CTBP2: variants seen among roughly 807,000 people sequenced by gnomAD.
CTBP2 encodes C-terminal binding protein 2.
In CTBP2, 30 loss-of-function variants were observed where a neutral mutation model predicts 80.3. The observed-to-expected ratio is 0.37, with a 90% CI of 0.28 to 0.51. CTBP2 has a LOEUF of 0.51. CTBP2 is among the 20% of genes least tolerant of loss of function. CTBP2 has a pLI of 0.93. For missense variants in CTBP2, 1,212 were observed against 1,375.3 expected, an observed-to-expected ratio of 0.88 and a Z score of 1.88; for synonymous variants, 594 against 587.4, an observed-to-expected ratio of 1.01 and a Z score of -0.16.
intron 3 of CTBP2, among the ~76,000 whole-genome samples, chr10:125,002,755 C>T (rs112491535): frequency 6.6e-6 from 1 of 152,210 alleles, no homozygotes; most frequent in African/African-American, 2.4e-5. Context: ...AGACCCCACA[C>T]AAGGGCCAGC....
chr10:125,126,929 T>C (rs572653548), intron 1 of CTBP2, among the ~76,000 whole-genome samples: 1 of 150,900 alleles, frequency 6.6e-6, no homozygotes, highest in Non-Finnish European at 1.5e-5. Flanking sequence ...ACACATTCTC[T>C]CTCTCTCTCT....
In CTBP2 at chr10:125,010,066, C is replaced by T. The variant is rs1055886544; in HGVS notation, c.1679-6574G>A. 1.2e-4 allele frequency among the ~76,000 whole-genome samples: 18 copies of T among 152,116 alleles called. 1 individual carries two copies. The highest frequency in any genetic ancestry group is 1.0e-3 in the Admixed American group (16 of 15,270). ...AAGGTGCCTGTTCCCACGGCAGCTGCAGAGAAGACTGCGGGCAACAGGCAT... is the reference window on the plus strand; with the variant it reads ...AAGGTGCCTGTTCCCACGGCAGCTGTAGAGAAGACTGCGGGCAACAGGCAT... On this transcript the variant is annotated intron_variant, in intron 1 of 8. Coordinates refer to ENST00000309035, the MANE Select transcript of CTBP2 (RefSeq NM_022802.3).
Position 124,988,052 on chromosome 10 carries a change from A to AT in CTBP2, c.*1465_*1466insA, listed in dbSNP as rs1952113516. On this transcript the variant is annotated 3_prime_UTR_variant, in exon 9 of 9. Transcript: ENST00000309035. ...GGGGTAGATTAAAGTCAGAACTCTA[A>AT]AAGTTGAGCAACTTTGTTTTTTTTT... 1 of 150,116 alleles carries AT rather than the reference A, an allele frequency of 6.7e-6. No homozygotes were observed. The highest frequency in any genetic ancestry group is 2.5e-5 in the African/African-American group (1 of 39,904). The allele number at this position is 150,116 out of a possible 1,614,324, so 9.3% of individuals were successfully genotyped here.
intron 2 of CTBP2, among the ~76,000 whole-genome samples, chr10:125,091,786 C>A (rs535883660): frequency 2.0e-5 from 3 of 152,122 alleles, no homozygotes; most frequent in East Asian, 3.9e-4. Flanking sequence ...AACAAAAAAA[C>A]CCAAACATAT....
At chr10:125,081,818 A>G (rs919117256) in intron 2 of CTBP2, among the ~76,000 whole-genome samples, 10 of 152,114 alleles carry the variant, frequency 6.6e-5, no homozygotes, top group African/African-American at 2.2e-4. Context: ...AGTAAGAGTC[A>G]CAGCATGTCA....
intron 2 of CTBP2, among the ~76,000 whole-genome samples, chr10:125,107,483 G>T (rs1202904915): frequency 6.6e-6 from 1 of 152,202 alleles, no homozygotes; most frequent in Non-Finnish European, 1.5e-5. Context: ...ATTGACAATC[G>T]GACCCCAAGG....
intron 1 of CTBP2, among the ~76,000 whole-genome samples, chr10:125,153,521 C>T (rs1346866784): frequency 1.3e-5 from 2 of 152,198 alleles, no homozygotes; most frequent in Admixed American, 6.5e-5. Flanking sequence ...GGCCTTTCAC[C>T]CCCTCCAGCA....
intron 3 of CTBP2, among the ~76,000 whole-genome samples, chr10:125,037,222 G>C (rs1248524300): frequency 6.6e-6 from 1 of 152,204 alleles, no homozygotes; most frequent in East Asian, 1.9e-4. Flanking sequence ...ATGGGACAGA[G>C]GGTCTGCAAG....
At position 125,088,346 on chromosome 10, in the gene CTBP2, G is replaced by A. The variant is rs1013710735; in HGVS notation, c.-102+22644C>T. The A allele has an allele frequency of 6.6e-5, 10 of 152,260 alleles. No homozygotes were observed. The Middle Eastern group carries it at 0.017, about 259-fold the overall frequency. The allele number at this position is 152,260 out of a possible 1,614,324, so 9.4% of individuals were successfully genotyped here. On this transcript the variant is annotated intron_variant, in intron 2 of 10. Transcript: ENST00000337195. ...TAAAGAATGAAAAAGGGATGGGAGCGGGATGACCTGTGCAGTTAGTACAGA... is the reference window on the plus strand; with the variant it reads ...TAAAGAATGAAAAAGGGATGGGAGCAGGATGACCTGTGCAGTTAGTACAGA...
In CTBP2 at chr10:125,026,266, G is replaced by A. The variant is rs201745596; in HGVS notation, c.1494C>T (p.Ala498=). 1.1e-4 allele frequency: 183 copies of A among 1,613,854 alleles called. No homozygotes were observed. The highest frequency in any genetic ancestry group is 1.0e-4 in the Admixed American group (6 of 60,024). ...CGTGAGGGCTGGGCAGCGGAGAGGC[G>A]GCCACGTTGCGCTCCCTCTTTAGCA... The change falls in exon 1 of 9, where the codon GCC becomes GCT. Residue 498 remains alanine (A), a synonymous_variant. Transcript: ENST00000309035.
Position 125,090,292 on chromosome 10 carries a change from A to T in CTBP2, c.-102+20698T>A, listed in dbSNP as rs941172865. On this transcript the variant is annotated intron_variant, in intron 2 of 10. Coordinates refer to the CTBP2 transcript ENST00000337195. Reference sequence around the variant, plus strand: ...GACAGAGAGTCCCTGGCTCAAAAAAAAAAAAAAAAAGGTTGGGGGGATGGG... The same window carrying T: ...GACAGAGAGTCCCTGGCTCAAAAAATAAAAAAAAAAGGTTGGGGGGATGGG... Among the ~76,000 whole-genome samples, 238 of 151,042 alleles carry T rather than the reference A, an allele frequency of 1.6e-3. 3 individuals are homozygous for T. Among genetic ancestry groups the T allele is most frequent in the Non-Finnish European group, 2.8e-3 (187 of 67,890 alleles).
intron 1 of CTBP2, chr10:125,137,980 C>A (rs564551786): frequency 1.3e-5 from 2 of 152,362 alleles, no homozygotes; most frequent in East Asian, 3.9e-4. Context: ...ACCCTCATAG[C>A]CAGCCACGCT....
intron 2 of CTBP2, among the ~76,000 whole-genome samples, chr10:125,094,829 A>G (rs773466004): frequency 2.6e-5 from 4 of 151,966 alleles, no homozygotes; most frequent in Non-Finnish European, 2.9e-5. Flanking sequence ...CAAACTAGAA[A>G]TGCTGAGAAA....
intron 1 of CTBP2, among the ~76,000 whole-genome samples, chr10:125,111,448 T>C (rs1411570659): frequency 1.3e-5 from 2 of 152,232 alleles, no homozygotes; most frequent in Admixed American, 1.3e-4. Context: ...GCAAAAAGTA[T>C]TACCAACTGT....
Position 125,056,174 on chromosome 10 carries a change from AAT to A in CTBP2, c.-101-17021_-101-17020del, listed in dbSNP as rs1242270673. On this transcript the variant is annotated intron_variant, in intron 2 of 10. Transcript: ENST00000337195. ...AGCGAGATTGTGTCTCAAAAATAAAAATAATAATAATAATAATAATAGTAATA... is the reference window on the plus strand; with the variant it reads ...AGCGAGATTGTGTCTCAAAAATAAAAAATAATAATAATAATAATAGTAATA... 1.2e-3 allele frequency among the ~76,000 whole-genome samples: 163 copies of A among 135,318 alleles called. 1 individual carries two copies. Among genetic ancestry groups the A allele is most frequent in the African/African-American group, 4.1e-3 (159 of 39,234 alleles). 88.8% of individuals were successfully genotyped at this position (135,318 alleles called of 152,430 possible). A position where few individuals can be genotyped will look rare whatever the true frequency, so the allele number is the denominator to read the frequency against.
At chr10:125,124,489 G>A (rs1854888808) in intron 1 of CTBP2, among the ~76,000 whole-genome samples, 1 of 152,102 alleles carries the variant, frequency 6.6e-6, no homozygotes, top group Admixed American at 6.5e-5. Flanking sequence ...CCCAAAATGT[G>A]CCACTAGGTA....
intron 1 of CTBP2, among the ~76,000 whole-genome samples, chr10:125,147,928 A>G (rs565114920): frequency 6.6e-5 from 10 of 152,104 alleles, no homozygotes; most frequent in African/African-American, 2.4e-4. Flanking sequence ...ACAAACACAT[A>G]CGGTACGTCA....
At chr10:125,032,872 C>A (rs2839737), upstream of CTBP2, 61,348 of 154,600 alleles carry the variant, frequency 0.4, 13,602 homozygotes, top group East Asian at 0.62. Flanking sequence ...AAAGCCCAAA[C>A]AGCCCCATTT....
chr10:125,131,565 G>C (rs1198371091), intron 1 of CTBP2, among the ~76,000 whole-genome samples: 2 of 152,158 alleles, frequency 1.3e-5, no homozygotes, highest in African/African-American at 4.8e-5. Flanking sequence ...GGACAGGGAG[G>C]GGGCAGCGGC....
Sources: allele counts gnomAD v4.1 joint callset (sites outside exome capture counted in the v4.1 genomes callset), GRCh38; gene constraint gnomAD v4.1.1; transcripts MANE v1.5; gene names NCBI Gene and HGNC (gene_info 2026-07-23, HGNC 2026-07-21).